Variants in KDM1A observed in about 807,000 individuals in gnomAD.
KDM1A encodes lysine demethylase 1A.
KDM1A carries 49 observed loss-of-function variants against 109.4 expected under a neutral mutation model. The ratio of observed to expected loss-of-function variants is 0.45; its 90% CI spans 0.36 to 0.57. KDM1A has a LOEUF of 0.57. Ranked by LOEUF, KDM1A falls within the 20% of genes least tolerant of loss-of-function variation. The pLI, the probability that KDM1A is intolerant of heterozygous loss-of-function variation, is 0.00. For missense variants in KDM1A, 668 were observed against 1,116.6 expected, an observed-to-expected ratio of 0.60 and a Z score of 5.73; for synonymous variants, 380 against 415.4, an observed-to-expected ratio of 0.91 and a Z score of 1.04.
At chr1:23,063,231 GGTGTGTGTGTGTGTGT>G (rs755287896) in intron 9 of KDM1A, among the ~76,000 whole-genome samples, 1 of 29,514 alleles carries the variant, frequency 3.4e-5, no homozygotes, top group Non-Finnish European at 1.0e-4. Flanking sequence ...GGTGTGTGTG[GGTGTGTGTGTGTGTGT>G]GTGTGTGTAC....
chr1:23,071,449 C>A, intron 13 of KDM1A, 90 bp downstream of exon 13: 2 of 1,286,116 alleles, frequency 1.6e-6, no homozygotes, highest in Non-Finnish European at 2.1e-6. Context: ...GAGCCACTAG[C>A]CAATCACAAG....
intron 9 of KDM1A, among the ~76,000 whole-genome samples, chr1:23,064,332 A>G (rs192414391): frequency 3.9e-4 from 59 of 152,374 alleles, no homozygotes; most frequent in Admixed American, 7.2e-4. Context: ...GTTTTACCAA[A>G]TGAACTAATC....
intron 2 of KDM1A, among the ~76,000 whole-genome samples, chr1:23,031,051 G>A (rs1641966816): frequency 6.6e-6 from 1 of 152,242 alleles, no homozygotes; most frequent in Admixed American, 6.5e-5. Flanking sequence ...TTACCACGTA[G>A]TTAGATACTT....
At chr1:23,026,805 AAAGT>A (rs1489865355) in intron 1 of KDM1A, among the ~76,000 whole-genome samples, 1 of 152,172 alleles carries the variant, frequency 6.6e-6, no homozygotes, top group Admixed American at 6.5e-5. Flanking sequence ...CATCAATGTG[AAAGT>A]AAGAATAATT....
In KDM1A at chr1:23,019,542, C is replaced by G; in HGVS notation, c.-55C>G. 2 of 1,342,018 alleles carry G rather than the reference C, an allele frequency of 1.5e-6. No individual in the cohort carries two copies. The highest frequency in any genetic ancestry group is 1.9e-6 in the Non-Finnish European group (2 of 1,047,916). 83.1% of individuals were successfully genotyped at this position (1,342,018 alleles called of 1,614,324 possible). A position where few individuals can be genotyped will look rare whatever the true frequency, so the allele number is the denominator to read the frequency against. ...GAGGCGAGGCAAGGCTTTTCGGACC[C>G]ACGGAGCGACAGAGCGAGCGGCCCC... On this transcript the variant is annotated 5_prime_UTR_variant, in exon 1 of 21. Transcript: ENST00000400181.
intron 12 of KDM1A, 31 bp downstream of exon 12, chr1:23,069,182 G>C (rs1643236539): frequency 7.2e-7 from 1 of 1,394,612 alleles, no homozygotes; most frequent in Non-Finnish European, 1.0e-6. Context: ...CATAGCTGAA[G>C]AAGCTTTAAT....
chr1:23,060,712 A>T (rs1224752395), intron 9 of KDM1A, among the ~76,000 whole-genome samples: 3 of 152,200 alleles, frequency 2.0e-5, no homozygotes, highest in African/African-American at 7.2e-5. Context: ...GGATTATACC[A>T]GCGAGGGTAG....
rs775535616 is a variant in KDM1A, at chr1:23,077,225, T to A, written c.1735-3T>A. The A allele has an allele frequency of 1.9e-6, 3 of 1,613,420 alleles. No homozygotes were observed. The East Asian group carries it at 6.7e-5, about 36-fold the overall frequency. ...GAAATATGTTCTTTTCTCTCCTCTT[T>A]AGGATGATGACTTTGAGTTCACTGG... On this transcript the variant is annotated splice_polypyrimidine_tract_variant and splice_region_variant and intron_variant, in intron 15 of 20. Coordinates refer to ENST00000400181, the MANE Select transcript of KDM1A (RefSeq NM_001009999.3).
In KDM1A at chr1:23,050,480, A is replaced by C; in HGVS notation, c.671A>C (p.Gln224Pro). 3.1e-6 allele frequency: 5 copies of C among 1,612,334 alleles called. No homozygotes were observed. Among genetic ancestry groups the C allele is most frequent in the Non-Finnish European group, 4.2e-6 (5 of 1,179,112 alleles). The change falls in exon 4 of 21, where the codon CAA becomes CCA. Residue 224 changes from glutamine to proline, a missense_variant. Physicochemically the swap from Gln to Pro is moderately conservative, Grantham distance 76. This residue lies in a region of KDM1A where 149 missense variants were observed against 189.7 expected (regional missense o/e 0.79). Transcript: ENST00000400181. ...ACFPDIISGPQQTQKVFLFIR... is the reference protein window; with the variant it reads ...ACFPDIISGPPQTQKVFLFIR... ...TTTCCAGATATTATCAGTGGACCAC[A>C]ACAGACCCAGAAGGTTTTTCTTTTC...
At chr1:23,044,108 A>G (rs539786273) in intron 2 of KDM1A, among the ~76,000 whole-genome samples, 5 of 152,278 alleles carry the variant, frequency 3.3e-5, no homozygotes, top group African/African-American at 4.8e-5. Flanking sequence ...AGTAAAAGAC[A>G]CTCGGAATCC....
At chr1:23,046,459 T>C (rs965989873) in intron 3 of KDM1A, among the ~76,000 whole-genome samples, 3 of 152,184 alleles carry the variant, frequency 2.0e-5, no homozygotes, top group Non-Finnish European at 4.4e-5. Flanking sequence ...GTTATAGTTA[T>C]CTACTTGATA....
chr1:23,060,400 T>C (rs1642965235), intron 9 of KDM1A, among the ~76,000 whole-genome samples: 1 of 152,226 alleles, frequency 6.6e-6, no homozygotes, highest in African/African-American at 2.4e-5. Flanking sequence ...TCCTGCACTT[T>C]TGAGTCCAGG....
rs544917163 is a variant in KDM1A at position 23,048,686 on chromosome 1, A to G, written c.578-1701A>G. ...GATTTTTTTCTAGGTAGTGTTTGCCATTTGAATGTCTTTGTGGAAACAGAC... is the reference window on the plus strand; with the variant it reads ...GATTTTTTTCTAGGTAGTGTTTGCCGTTTGAATGTCTTTGTGGAAACAGAC... On this transcript the variant is annotated intron_variant, in intron 3 of 20. Coordinates refer to ENST00000400181, the MANE Select transcript of KDM1A (RefSeq NM_001009999.3). Among the ~76,000 whole-genome samples, 75 of 152,188 alleles carry G rather than the reference A, an allele frequency of 4.9e-4. 1 individual carries two copies. The highest frequency in any genetic ancestry group is 1.8e-3 in the African/African-American group (74 of 41,518).
In KDM1A at chr1:23,051,040, G is replaced by A. The variant is rs146516287; in HGVS notation, c.711+520G>A. On this transcript the variant is annotated intron_variant, in intron 4 of 20. Transcript: ENST00000400181. ...GTGGAGGTTGCAGTGAGCCGAGATC[G>A]TGCCACTGCACTCCATCCAGCCTGG... Among the ~76,000 whole-genome samples, 152 of 152,240 alleles carry A rather than the reference G, an allele frequency of 1.0e-3. 2 individuals are homozygous for A. The highest frequency in any genetic ancestry group is 3.3e-3 in the African/African-American group (136 of 41,540).
chr1:23,049,681 G>A lies in KDM1A; in HGVS notation c.578-706G>A, dbSNP rs142314842. ...GCCTGGGCAATAAGAGTGAAACTTC[G>A]TCTCAAAAAAAAAAAAAAGAGAAGA... On this transcript the variant is annotated intron_variant, in intron 3 of 20. Transcript: ENST00000400181. 2.8e-3 allele frequency among the ~76,000 whole-genome samples: 413 copies of A among 146,588 alleles called. 3 individuals carry two copies. The highest frequency in any genetic ancestry group is 9.6e-3 in the African/African-American group (382 of 39,680).
intron 3 of KDM1A, 51 bp from the exon 4 acceptor site, chr1:23,050,336 G>A (rs747846097): frequency 1.9e-5 from 29 of 1,553,422 alleles, no homozygotes; most frequent in South Asian, 7.4e-5. Flanking sequence ...ATCACTACCC[G>A]TTTTGTATTC....
chr1:23,046,504 C>T (rs955685977), intron 3 of KDM1A, among the ~76,000 whole-genome samples: 1 of 151,996 alleles, frequency 6.6e-6, no homozygotes, highest in Non-Finnish European at 1.5e-5. Flanking sequence ...TCATGGAGGC[C>T]TTCTTTTCTT....
At chr1:23,022,324 GT>G (rs35333220) in intron 1 of KDM1A, among the ~76,000 whole-genome samples, 7 of 71,204 alleles carry the variant, frequency 9.8e-5, no homozygotes, top group African/African-American at 1.9e-4. Context: ...GTTCTTCTTC[GT>G]TTTTTTTTTT....
intron 1 of KDM1A, among the ~76,000 whole-genome samples, chr1:23,023,315 A>G (rs1641697844): frequency 1.3e-5 from 2 of 152,108 alleles, no homozygotes; most frequent in South Asian, 4.1e-4. Flanking sequence ...ATTTACTCCT[A>G]TGTTTTCTTC....
Sources: gnomAD v4.1 joint callset for allele counts (sites outside exome capture counted in the v4.1 genomes callset) on GRCh38, gnomAD v4.1.1 for gene constraint, gnomAD v4.1.1 regional missense constraint, MANE v1.5 for transcripts, NCBI Gene and HGNC (gene_info 2026-07-23, HGNC 2026-07-21) for gene names.